PIK3C2G: variants seen among roughly 807,000 people sequenced by gnomAD.
The protein encoded by PIK3C2G is phosphatidylinositol 3-kinase C2 domain-containing subunit gamma.
A neutral mutation model predicts 181.1 loss-of-function variants in PIK3C2G; 168 were observed. The observed-to-expected ratio is 0.93, with a 90% CI of 0.82 to 1.05. The LOEUF (loss-of-function observed/expected upper bound fraction) is 1.05. Ranked by LOEUF, PIK3C2G falls within the 50% of genes least tolerant of loss-of-function variation. The pLI, the probability that PIK3C2G is intolerant of heterozygous loss-of-function variation, is 0.00. For synonymous variants in PIK3C2G, 573 were observed against 592.2 expected (o/e 0.97, Z 0.47); for missense variants, 1,869 against 1,732.8 (o/e 1.08, Z -1.40).
At chr12:18,520,968 T>C (rs148502055) in intron 24 of PIK3C2G, among the ~76,000 whole-genome samples, 158 of 152,076 alleles carry the variant, frequency 1.0e-3, no homozygotes, top group African/African-American at 3.7e-3. Flanking sequence ...GCATTCTGTT[T>C]GTTTGTTTTT....
chr12:18,650,517 T>C (rs1950401735), downstream of PIK3C2G, among the ~76,000 whole-genome samples: 1 of 150,446 alleles, frequency 6.6e-6, no homozygotes, highest in South Asian at 2.1e-4. Flanking sequence ...AAAATTAAGC[T>C]ATTTTGTATG....
the PIK3C2G span, chr12:18,693,488 G>A: frequency 1.9e-6 from 3 of 1,609,218 alleles, no homozygotes; most frequent in African/African-American, 2.7e-5. Context: ...GTTAGCCAAA[G>A]CAGTAGCAAA....
At chr12:18,620,235 G>T (rs1259441012) in intron 31 of PIK3C2G, among the ~76,000 whole-genome samples, 1 of 151,808 alleles carries the variant, frequency 6.6e-6, no homozygotes, top group African/African-American at 2.4e-5. Context: ...TTAAGAGAAA[G>T]GTATTAAAAT....
Position 18,395,408 on chromosome 12 carries a change from A to G in PIK3C2G, c.2126+4156A>G, listed in dbSNP as rs115624323. Among the ~76,000 whole-genome samples, 1,124 of 150,744 alleles carry G rather than the reference A, an allele frequency of 7.5e-3. 14 individuals carry two copies. The highest frequency in any genetic ancestry group is 0.026 in the African/African-American group (1,068 of 41,154). On this transcript the variant is annotated intron_variant, in intron 15 of 32. Coordinates refer to ENST00000538779, the MANE Select transcript of PIK3C2G (RefSeq NM_001288772.2). ...CAACTTTTTCAAATTAGAACTCTAT[A>G]CACAGTAAAATTATGTTGCAAAAAT...
At chr12:18,455,842 T>C (rs1947596406) in intron 18 of PIK3C2G, among the ~76,000 whole-genome samples, 1 of 152,206 alleles carries the variant, frequency 6.6e-6, no homozygotes, top group Non-Finnish European at 1.5e-5. Flanking sequence ...GATTTCAGCA[T>C]ACGAATTTTG....
chr12:18,595,873 C>G (rs1485148312), intron 30 of PIK3C2G, among the ~76,000 whole-genome samples: 1 of 152,170 alleles, frequency 6.6e-6, no homozygotes, highest in African/African-American at 2.4e-5. Flanking sequence ...TCAAAACTCT[C>G]ATCATGGGAT....
At chr12:18,450,596 T>C (rs975279363) in intron 18 of PIK3C2G, among the ~76,000 whole-genome samples, 1 of 152,186 alleles carries the variant, frequency 6.6e-6, no homozygotes, top group Non-Finnish European at 1.5e-5. Context: ...TGGATCCAAT[T>C]TGTCAATGTT....
the PIK3C2G span, among the ~76,000 whole-genome samples, chr12:18,716,517 T>G: frequency 2.8e-4 from 42 of 152,318 alleles, no homozygotes; most frequent in African/African-American, 1.0e-3. Context: ...TATTTAACTT[T>G]GAGCCTTTTT....
intron 11 of PIK3C2G, among the ~76,000 whole-genome samples, chr12:18,356,948 G>A (rs140069077): frequency 6.8e-4 from 103 of 152,076 alleles, no homozygotes; most frequent in Middle Eastern, 6.8e-3. Context: ...TAGGCTTCAG[G>A]CCCAGGCTTG....
intron 1 of PIK3C2G, among the ~76,000 whole-genome samples, chr12:18,273,225 AG>A (rs1479921383): frequency 6.6e-6 from 1 of 152,220 alleles, no homozygotes; most frequent in Admixed American, 6.5e-5. Flanking sequence ...TTTATTAAAT[AG>A]GGAATCCTTT....
At chr12:18,338,195 T>C (rs543745756) in intron 8 of PIK3C2G, among the ~76,000 whole-genome samples, 2 of 152,220 alleles carry the variant, frequency 1.3e-5, no homozygotes, top group East Asian at 3.9e-4. Flanking sequence ...AAATTAGAGC[T>C]AAGTTAGTAA....
chr12:18,384,718 A>G lies in PIK3C2G; in HGVS notation c.1995+2838A>G, dbSNP rs546429173. Among the ~76,000 whole-genome samples the G allele has an allele frequency of 5.3e-5, 8 of 152,334 alleles. No individual in the cohort carries two copies. The East Asian group carries it at 1.5e-3, about 29-fold the overall frequency. The stretch of plus-strand genomic sequence containing the variant: ...TTTGAAGGAAAACTTCAAATATTCA[A>G]TAGTGGCACCGATTTCCACGTAAAG... On this transcript the variant is annotated intron_variant, in intron 14 of 32. Coordinates refer to ENST00000538779, the MANE Select transcript of PIK3C2G (RefSeq NM_001288772.2).
At chr12:18,664,893 A>T in the PIK3C2G span, among the ~76,000 whole-genome samples, 1 of 151,254 alleles carries the variant, frequency 6.6e-6, no homozygotes, top group Admixed American at 6.6e-5. Context: ...CATTCTCAGT[A>T]AACTATCACA....
At chr12:18,484,262 G>C (rs982915372) in intron 18 of PIK3C2G, among the ~76,000 whole-genome samples, 3 of 152,160 alleles carry the variant, frequency 2.0e-5, no homozygotes, top group African/African-American at 7.2e-5. Context: ...CTACCACACA[G>C]TGTGGGAACA....
chr12:18,540,693 T>A lies in PIK3C2G; in HGVS notation c.3480+2381T>A, dbSNP rs545439404. Among the ~76,000 whole-genome samples, 210 of 152,068 alleles carry A rather than the reference T, an allele frequency of 1.4e-3. 5 individuals carry two copies. In the South Asian group the frequency reaches 0.041, roughly 30 times the overall value. On this transcript the variant is annotated intron_variant, in intron 25 of 32. Coordinates refer to ENST00000538779, the MANE Select transcript of PIK3C2G (RefSeq NM_001288772.2). The stretch of plus-strand genomic sequence containing the variant: ...TATAGTATATCCAAAAAAACTTCTA[T>A]GCTCTAATTATTCAGCTCTTTTAGG...
intron 18 of PIK3C2G, among the ~76,000 whole-genome samples, chr12:18,487,246 G>C (rs1006338820): frequency 6.6e-6 from 1 of 151,848 alleles, no homozygotes; most frequent in East Asian, 1.9e-4. Context: ...AATGACAAAG[G>C]AACAGGCCCT....
At chr12:18,525,284 C>T (rs1042473815) in intron 24 of PIK3C2G, among the ~76,000 whole-genome samples, 4 of 151,740 alleles carry the variant, frequency 2.6e-5, no homozygotes, top group South Asian at 2.1e-4. Context: ...CACAGCTACT[C>T]GAGAGGCTGA....
intron 31 of PIK3C2G, among the ~76,000 whole-genome samples, chr12:18,630,205 A>G (rs974097038): frequency 2.0e-5 from 3 of 152,144 alleles, no homozygotes; most frequent in African/African-American, 7.2e-5. Flanking sequence ...AGCCTGGCCA[A>G]CATGGTGAAA....
intron 18 of PIK3C2G, among the ~76,000 whole-genome samples, chr12:18,483,882 C>T (rs1057393303): frequency 2.0e-5 from 3 of 152,170 alleles, no homozygotes; most frequent in African/African-American, 4.8e-5. Context: ...GACTTGCTGT[C>T]GTCCTGCTTG....
Sources: gnomAD v4.1 joint callset for allele counts (sites outside exome capture counted in the v4.1 genomes callset) on GRCh38, gnomAD v4.1.1 for gene constraint, MANE v1.5 for transcripts, NCBI Gene and HGNC (gene_info 2026-07-23, HGNC 2026-07-21) for gene names.